The following MYLK4 variants were observed in gnomAD, a reference collection of about 807,000 sequenced individuals.
MYLK4 encodes myosin light chain kinase family member 4.
MYLK4 carries 46 observed loss-of-function variants against 48.1 expected under a neutral mutation model. The observed-to-expected ratio is 0.96, with a 90% CI of 0.75 to 1.22. The LOEUF (loss-of-function observed/expected upper bound fraction) is 1.22, where lower values mean the gene tolerates loss of function less well. Ranked by LOEUF, MYLK4 falls within the 50% of genes most tolerant of loss-of-function variation. The pLI, the probability that MYLK4 is intolerant of heterozygous loss-of-function variation, is 0.00. For missense variants in MYLK4, 451 were observed against 486.1 expected (o/e 0.93, Z 0.68); for synonymous variants, 170 against 180.8 (o/e 0.94, Z 0.48).
Position 2,685,551 on chromosome 6 carries a change from A to T in MYLK4, c.367T>A (p.Cys123Ser). 1 of 1,614,142 alleles carries T rather than the reference A, an allele frequency of 6.2e-7. No homozygotes were observed. The highest frequency in any genetic ancestry group is 8.5e-7 in the Non-Finnish European group (1 of 1,180,020). ...GGGRFGQVHK[C>S]EETATGLKLA... The stretch of plus-strand genomic sequence containing the variant: ...TTCAGACCTGTGGCCGTCTCCTCAC[A>T]CTTGTGAACCTGGCCGAAACGCCCT... Residue 123 changes from cysteine (C) to serine (S), a missense_variant, in exon 5 of 13, where the codon TGT becomes AGT. Physicochemically the swap from Cys to Ser is moderately radical, Grantham distance 112. Transcript: ENST00000274643. The surrounding 1 kb of genome is among the most constrained non-coding windows in gnomAD (Gnocchi z 4.5).
chr6:2,671,335 C>T lies in MYLK4; in HGVS notation c.1133G>A (p.Arg378His), dbSNP rs199960114. 3.0e-5 allele frequency: 48 copies of T among 1,613,892 alleles called. No individual in the cohort carries two copies. The highest frequency in any genetic ancestry group is 8.9e-5 in the East Asian group (4 of 44,888). ...SRLNAQKKKN[R>H]GSDAQDFVTK is the part of the protein sequence containing the mutation. ...CACAAAGTCCTGGGCATCAGAGCCA[C>T]GATTCTTCTTCTTCTAGGGAAAGCA... Residue 378 changes from arginine (R) to histidine (H), a missense_variant, in exon 12 of 13, where the codon CGT becomes CAT. Transcript: ENST00000274643.
chr6:2,764,985 G>A, the MYLK4 span, among the ~76,000 whole-genome samples: 1 of 152,026 alleles, frequency 6.6e-6, no homozygotes, highest in African/African-American at 2.4e-5. Flanking sequence ...CAAACGACCC[G>A]CTGCGGCCGC....
intron 3 of MYLK4, 29 bp downstream of exon 3, chr6:2,692,755 A>G (rs1435948922): frequency 3.7e-6 from 6 of 1,603,468 alleles, no homozygotes; most frequent in Middle Eastern, 1.6e-4. Context: ...TTCTTCATCC[A>G]TAACTATCTA....
At chr6:2,732,442 C>T (rs369578054) in intron 2 of MYLK4, among the ~76,000 whole-genome samples, 28 of 152,154 alleles carry the variant, frequency 1.8e-4, no homozygotes, top group African/African-American at 5.5e-4. Context: ...CTAGTGGATA[C>T]CTGAGCACTC....
At chr6:2,726,307 G>C (rs1763273475) in intron 2 of MYLK4, among the ~76,000 whole-genome samples, 1 of 152,208 alleles carries the variant, frequency 6.6e-6, no homozygotes, top group African/African-American at 2.4e-5. Context: ...TAGTAGGTGA[G>C]AGGAGAGAAG....
chr6:2,703,662 A>ATTTTTTT (rs759946900), intron 2 of MYLK4, among the ~76,000 whole-genome samples: 4 of 62,130 alleles, frequency 6.4e-5, no homozygotes, highest in African/African-American at 2.6e-4. Flanking sequence ...CCCTTTGTGA[A>ATTTTTTT]TTCTTTTTTT....
At chr6:2,709,853 A>G (rs959078017) in intron 2 of MYLK4, among the ~76,000 whole-genome samples, 4 of 152,224 alleles carry the variant, frequency 2.6e-5, no homozygotes, top group African/African-American at 9.6e-5. Context: ...GGGAGGTGCT[A>G]GGATTTGACA....
At position 2,664,385 on chromosome 6, in the gene MYLK4, C is replaced by T. The variant is rs1269849478; in HGVS notation, c.*3540G>A. The stretch of plus-strand genomic sequence containing the variant: ...ACCGAGTCCGAGGACCACAGCCCTC[C>T]AGGGGCCTGATGCTGCCTCTCACTT... On this transcript the variant is annotated 3_prime_UTR_variant, in exon 13 of 13. Transcript: ENST00000274643. 1 of 152,248 alleles carries T rather than the reference C, an allele frequency of 6.6e-6. No individual in the cohort carries two copies. The highest frequency in any genetic ancestry group is 2.4e-5 in the African/African-American group (1 of 41,466). 9.4% of individuals were successfully genotyped at this position (152,248 alleles called of 1,614,324 possible).
At chr6:2,681,749 C>G (rs1223368698) in intron 7 of MYLK4, among the ~76,000 whole-genome samples, 1 of 152,158 alleles carries the variant, frequency 6.6e-6, no homozygotes, top group Non-Finnish European at 1.5e-5. Flanking sequence ...CAGCTGTCAC[C>G]TTTATGATGA....
chr6:2,699,870 C>A (rs1215125417), intron 2 of MYLK4, among the ~76,000 whole-genome samples: 1 of 152,098 alleles, frequency 6.6e-6, no homozygotes, highest in African/African-American at 2.4e-5. Flanking sequence ...CCATGGGGGT[C>A]CAGGCTGTGG....
At chr6:2,770,303 G>C in the MYLK4 span, 13 of 1,614,140 alleles carry the variant, frequency 8.1e-6, no homozygotes, top group South Asian at 1.2e-4. Flanking sequence ...GGGAATCCAC[G>C]TCCTAGACTC....
intron 2 of MYLK4, among the ~76,000 whole-genome samples, chr6:2,727,029 T>C (rs1409664039): frequency 6.6e-6 from 1 of 152,240 alleles, no homozygotes; most frequent in Non-Finnish European, 1.5e-5. Context: ...ACAAAATACT[T>C]TGACATTGTG....
the MYLK4 span, among the ~76,000 whole-genome samples, chr6:2,764,119 A>C: frequency 2.1e-4 from 32 of 152,178 alleles, 1 homozygote; most frequent in Admixed American, 1.7e-3. Context: ...ACAAGAGTGA[A>C]ACTGCGTCTC....
chr6:2,766,151 G>A, the MYLK4 span: 2 of 1,320,016 alleles, frequency 1.5e-6, no homozygotes, highest in Non-Finnish European at 1.9e-6. Context: ...TGGCGACGGG[G>A]ACGCGGACGC....
chr6:2,707,658 A>G (rs2113236946), intron 2 of MYLK4, among the ~76,000 whole-genome samples: 1 of 152,330 alleles, frequency 6.6e-6, no homozygotes, highest in South Asian at 2.1e-4. Flanking sequence ...ACTTTCAGTT[A>G]GTATCACCCC....
At chr6:2,761,931 G>T in the MYLK4 span, among the ~76,000 whole-genome samples, 1 of 152,176 alleles carries the variant, frequency 6.6e-6, no homozygotes. Flanking sequence ...TTTATTTTTT[G>T]AGACGGATTC....
intron 2 of MYLK4, among the ~76,000 whole-genome samples, chr6:2,711,688 C>T (rs553491547): frequency 1.3e-5 from 2 of 152,280 alleles, no homozygotes; most frequent in East Asian, 1.9e-4. Context: ...ATTCGATAAG[C>T]TAAGAAGTGC....
At chr6:2,745,585 C>T (rs1031862690) in intron 2 of MYLK4, among the ~76,000 whole-genome samples, 1 of 152,058 alleles carries the variant, frequency 6.6e-6, no homozygotes, top group Non-Finnish European at 1.5e-5. Flanking sequence ...GCCTTTGGAA[C>T]ATAATAGAAT....
At position 2,679,340 on chromosome 6, in the gene MYLK4, T is replaced by C. The variant is rs1269145570; in HGVS notation, c.827A>G (p.Asn276Ser). ...TPEFLAPEVV[N>S]YDFVSFPTDM... is the part of the protein sequence containing the mutation. Reference sequence around the variant, plus strand: ...AGTGGGAAATGAAACAAAATCATAGTTCACAACTTCAGGGGCGAGAAATTC... The same window carrying C: ...AGTGGGAAATGAAACAAAATCATAGCTCACAACTTCAGGGGCGAGAAATTC... Residue 276 changes from asparagine to serine, a missense_variant, in exon 9 of 13, where the codon AAC (asparagine) becomes AGC (serine). Transcript: ENST00000274643. 2 of 1,614,142 alleles carry C rather than the reference T, an allele frequency of 1.2e-6. No homozygotes were observed. The highest frequency in any genetic ancestry group is 4.5e-5 in the East Asian group (2 of 44,886).
Sources: allele counts gnomAD v4.1 joint callset (sites outside exome capture counted in the v4.1 genomes callset), GRCh38; gene constraint gnomAD v4.1.1; non-coding constraint Gnocchi (gnomAD v3.1); transcripts MANE v1.5; gene names NCBI Gene and HGNC (gene_info 2026-07-23, HGNC 2026-07-21).